The following CNTFR variants were observed in gnomAD, a reference collection of about 807,000 sequenced individuals.
CNTFR encodes ciliary neurotrophic factor receptor, also known as ciliary neurotrophic factor receptor subunit alpha.
CNTFR carries 12 observed loss-of-function variants against 40.4 expected under a neutral mutation model. That is an observed-to-expected ratio of 0.30 (90% CI 0.19 to 0.48). The LOEUF is 0.48. Ranked by LOEUF, CNTFR falls within the 20% of genes least tolerant of loss-of-function variation. CNTFR has a pLI of 0.99. For synonymous variants in CNTFR, 202 were observed against 209.6 expected, an observed-to-expected ratio of 0.96 and a Z score of 0.31; for missense variants, 414 against 506.8, an observed-to-expected ratio of 0.82 and a Z score of 1.76.
chr9:34,552,042 G>T lies in CNTFR; in HGVS notation c.*29C>A. On this transcript the variant is annotated 3_prime_UTR_variant, in exon 10 of 10. Coordinates refer to ENST00000378980, the MANE Select transcript of CNTFR (RefSeq NM_147164.3). The surrounding 1 kb of genome is among the most constrained non-coding windows in gnomAD (Gnocchi z 5.1). ...TCCGGCCTCCTGCTCCTCTGCAGGT[G>T]CTCTGCATGTCCTCATGGGGTGCCG... 7.8e-7 allele frequency: 1 copy of T among 1,276,016 alleles called. No individual in the cohort carries two copies. The highest frequency in any genetic ancestry group is 1.1e-6 in the Non-Finnish European group (1 of 881,638). 79.0% of individuals were successfully genotyped at this position (1,276,016 alleles called of 1,614,324 possible).
intron 1 of CNTFR, among the ~76,000 whole-genome samples, chr9:34,587,398 A>G (rs770925432): frequency 2.6e-5 from 4 of 152,142 alleles, no homozygotes; most frequent in Non-Finnish European, 5.9e-5. Context: ...TCTGAGTGTG[A>G]GCTCTGAGAT....
In CNTFR at chr9:34,552,197, G is replaced by C; in HGVS notation, c.1082C>G (p.Ala361Gly). The change falls in exon 9 of 10, where the codon GCT (alanine) becomes GGT (glycine). Residue 361 changes from alanine to glycine, a missense_variant. This residue lies in a region of CNTFR where 81 missense variants were observed against 92.2 expected (regional missense o/e 0.88). Transcript: ENST00000378980. This position sits in a 1 kb window ranked among gnomAD's most constrained non-coding sequence, Gnocchi z 5.1. ...ACTGCTGGCAGTGGCGGCAGCGGCA[G>C]CCAGGGCCAGAGTGATGGGGACGCT... is the stretch of plus-strand genomic sequence containing the variant. Reference protein sequence around the residue: ...LVSVPITLALAAAAATASSLL... With the variant: ...LVSVPITLALGAAAATASSLL... The C allele has an allele frequency of 6.3e-7, 1 of 1,589,326 alleles. No individual in the cohort carries two copies.
At chr9:34,563,664 T>C (rs945297777) in intron 4 of CNTFR, among the ~76,000 whole-genome samples, 3 of 152,220 alleles carry the variant, frequency 2.0e-5, no homozygotes, top group Admixed American at 6.5e-5. Context: ...TTCCGTTTTC[T>C]TCCTGTTGCA....
intron 2 of CNTFR, among the ~76,000 whole-genome samples, chr9:34,576,164 C>G (rs1472216519): frequency 6.6e-6 from 1 of 152,224 alleles, no homozygotes; most frequent in African/African-American, 2.4e-5. Flanking sequence ...CACACCCAGG[C>G]AGCCTCTCGC....
intron 2 of CNTFR, among the ~76,000 whole-genome samples, chr9:34,579,856 C>T (rs1164491492): frequency 6.6e-6 from 1 of 152,112 alleles, no homozygotes; most frequent in African/African-American, 2.4e-5. Flanking sequence ...GTGAACAGAA[C>T]TGCCAAGTCC....
intron 4 of CNTFR, among the ~76,000 whole-genome samples, chr9:34,562,974 G>A (rs1424951672): frequency 6.6e-6 from 1 of 151,922 alleles, no homozygotes; most frequent in East Asian, 1.9e-4. Flanking sequence ...TGGTCTTTAG[G>A]GCTCAATTCT....
At position 34,557,936 on chromosome 9, in the gene CNTFR, T is replaced by C; in HGVS notation, c.368A>G (p.Lys123Arg). The change falls in exon 5 of 10, where the codon AAG (lysine) becomes AGG (arginine). Residue 123 changes from lysine to arginine, a missense_variant. Physicochemically the swap from Lys to Arg is conservative, Grantham distance 26. Transcript: ENST00000378980. The surrounding 1 kb of genome is among the most constrained non-coding windows in gnomAD (Gnocchi z 4.2). ...VLSCRSNTYP[K>R]GFYCSWHLPT... ...CAGATGCCAGCTGCAGTAGAAGCCCTTGGGGTAAGTGTTGGAGCGGCAGCT... is the reference window on the plus strand; with the variant it reads ...CAGATGCCAGCTGCAGTAGAAGCCCCTGGGGTAAGTGTTGGAGCGGCAGCT... 1 of 1,572,856 alleles carries C rather than the reference T, an allele frequency of 6.4e-7. No homozygotes were observed. Among genetic ancestry groups the C allele is most frequent in the East Asian group, 2.2e-5 (1 of 44,512 alleles).
intron 2 of CNTFR, among the ~76,000 whole-genome samples, chr9:34,572,908 C>T (rs938384671): frequency 1.3e-5 from 2 of 152,178 alleles, no homozygotes; most frequent in African/African-American, 2.4e-5. Flanking sequence ...TCAGTCACAT[C>T]GAGTCACACT....
Position 34,552,126 on chromosome 9 carries a change from A to G in CNTFR, c.1118+35T>C, listed in dbSNP as rs372449498. 7.1e-5 allele frequency: 113 copies of G among 1,595,078 alleles called. No homozygotes were observed. The African/African-American group carries it at 1.4e-3, about 19-fold the overall frequency. On this transcript the variant is annotated intron_variant, in intron 9 of 9. Coordinates refer to ENST00000378980, the MANE Select transcript of CNTFR (RefSeq NM_147164.3). The surrounding 1 kb of genome is among the most constrained non-coding windows in gnomAD (Gnocchi z 5.1). The stretch of plus-strand genomic sequence containing the variant: ...AGGGGGCTGGAGTGGGGGTTCCCTC[A>G]GGCTCCCTCTGCCACCCAGCCTCAC...
In CNTFR at chr9:34,558,000, G is replaced by A; in HGVS notation, c.320-16C>T. ...CGCGGCGGCACTGGGGGTGAGGACA[G>A]TATGGTCAGGGCATTCTTGGAGCTC... is the stretch of plus-strand genomic sequence containing the variant. On this transcript the variant is annotated splice_polypyrimidine_tract_variant and intron_variant, in intron 4 of 9. Transcript: ENST00000378980. The surrounding 1 kb of genome is among the most constrained non-coding windows in gnomAD (Gnocchi z 4.2). The A allele has an allele frequency of 6.6e-7, 1 of 1,513,768 alleles. No individual in the cohort carries two copies. The highest frequency in any genetic ancestry group is 8.9e-7 in the Non-Finnish European group (1 of 1,125,902). The allele number at this position is 1,513,768 out of a possible 1,614,324, so 93.8% of individuals were successfully genotyped here. A position where few individuals can be genotyped will look rare whatever the true frequency, so the allele number is the denominator to read the frequency against.
chr9:34,586,226 T>C (rs1827540118), intron 1 of CNTFR, among the ~76,000 whole-genome samples: 3 of 152,134 alleles, frequency 2.0e-5, no homozygotes, highest in South Asian at 4.1e-4. Context: ...TACTGCTCTT[T>C]TGGGGAACAG....
At position 34,587,930 on chromosome 9, in the gene CNTFR, G is replaced by A. The variant is rs1162923043; in HGVS notation, c.-112+1625C>T. 3.9e-5 allele frequency among the ~76,000 whole-genome samples: 6 copies of A among 152,164 alleles called. No homozygotes were observed. In the East Asian group the frequency reaches 9.6e-4, roughly 24 times the overall value. On this transcript the variant is annotated intron_variant, in intron 1 of 9. Transcript: ENST00000378980. The stretch of plus-strand genomic sequence containing the variant: ...GAGTCTATGTGGAAACTCCAGGACT[G>A]AAGTGTATCCCTGGATATGAGCCCC...
In CNTFR at chr9:34,551,793, A is replaced by C; in HGVS notation, c.*278T>G. ...CCAAGGGCTCCTGGGAGTCGCTGGC[A>C]TTGGAGGGTCCAGCCCAAGGGGCCA... On this transcript the variant is annotated 3_prime_UTR_variant, in exon 10 of 10. Transcript: ENST00000378980. 8.5e-6 allele frequency: 5 copies of C among 587,208 alleles called. No individual in the cohort carries two copies. The highest frequency in any genetic ancestry group is 3.0e-6 in the Non-Finnish European group (1 of 330,296). 36.4% of individuals were successfully genotyped at this position (587,208 alleles called of 1,614,324 possible).
chr9:34,552,810 G>A lies in CNTFR; in HGVS notation c.813C>T (p.Tyr271=), dbSNP rs202050719. 29 of 1,613,414 alleles carry A rather than the reference G, an allele frequency of 1.8e-5. No homozygotes were observed. The highest frequency in any genetic ancestry group is 1.5e-4 in the Admixed American group (9 of 59,980). The change falls in exon 8 of 10, where the codon TAC becomes TAT. Residue 271 remains tyrosine (Y), a synonymous_variant. Transcript: ENST00000378980. The surrounding 1 kb of genome is among the most constrained non-coding windows in gnomAD (Gnocchi z 5.1). ...CCTGGATAATGTACTCCTTCCCGGC[G>A]TAGGCATCTGTGATGGTGTGTGCTG... ...DGTAHTITDA[Y]AGKEYIIQVA...
At chr9:34,553,083 G>A (rs921611405) in intron 7 of CNTFR, among the ~76,000 whole-genome samples, 16 of 152,170 alleles carry the variant, frequency 1.1e-4, no homozygotes, top group Non-Finnish European at 1.5e-5. Flanking sequence ...GGAGAGTAAT[G>A]ACATCTTTAA....
intron 1 of CNTFR, among the ~76,000 whole-genome samples, chr9:34,584,141 G>A (rs1466297426): frequency 6.6e-6 from 1 of 152,188 alleles, no homozygotes; most frequent in Non-Finnish European, 1.5e-5. Context: ...CCTGAAGCTG[G>A]TCTTGAAATG....
chr9:34,553,816 T>C (rs1825729986), intron 7 of CNTFR, among the ~76,000 whole-genome samples: 1 of 152,210 alleles, frequency 6.6e-6, no homozygotes, highest in South Asian at 2.1e-4. Context: ...CGCTGCCTCA[T>C]TAAGCCGCCT....
chr9:34,563,441 G>A lies in CNTFR; in HGVS notation c.319+1158C>T, dbSNP rs115714751. ...GTGCACGTTCTGCATCTGCACCTTC[G>A]GTGGTTAACCTCAGTCGCCAAGAGG... is the stretch of plus-strand genomic sequence containing the variant. On this transcript the variant is annotated intron_variant, in intron 4 of 9. Transcript: ENST00000378980. 6.2e-3 allele frequency among the ~76,000 whole-genome samples: 949 copies of A among 152,274 alleles called. 8 individuals carry two copies. Among genetic ancestry groups the A allele is most frequent in the African/African-American group, 0.022 (914 of 41,542 alleles).
intron 2 of CNTFR, among the ~76,000 whole-genome samples, chr9:34,577,048 G>C (rs1007341240): frequency 6.6e-6 from 1 of 152,186 alleles, no homozygotes; most frequent in Non-Finnish European, 1.5e-5. Flanking sequence ...GCAGCAGGAG[G>C]GGAGCAGGCA....
Sources: gnomAD v4.1 joint callset for allele counts (sites outside exome capture counted in the v4.1 genomes callset) on GRCh38, gnomAD v4.1.1 for gene constraint, gnomAD v4.1.1 regional missense constraint, Gnocchi (gnomAD v3.1) non-coding constraint, MANE v1.5 for transcripts, NCBI Gene and HGNC (gene_info 2026-07-23, HGNC 2026-07-21) for gene names.